STXBP5L: variants seen among roughly 807,000 people sequenced by gnomAD.
The protein encoded by STXBP5L is syntaxin-binding protein 5-like.
A neutral mutation model predicts 144.5 loss-of-function variants in STXBP5L; 65 were observed. That is an observed-to-expected ratio of 0.45 (90% CI 0.37 to 0.55). STXBP5L has a LOEUF of 0.55. Among genes scored for constraint, STXBP5L ranks in the 20% least tolerant of loss-of-function variants. The pLI is 0.00. For missense variants in STXBP5L, 1,298 were observed against 1,405.5 expected (o/e 0.92, Z 1.22); for synonymous variants, 505 against 469.6 (o/e 1.08, Z -0.97).
intron 9 of STXBP5L, among the ~76,000 whole-genome samples, chr3:121,199,394 G>C (rs557175078): frequency 9.2e-5 from 14 of 152,148 alleles, no homozygotes; most frequent in Admixed American, 6.5e-5. Context: ...GAGATGATGG[G>C]GTTTTCTAAA....
At chr3:121,416,544 G>C (rs918097695) in intron 25 of STXBP5L, among the ~76,000 whole-genome samples, 2 of 150,612 alleles carry the variant, frequency 1.3e-5, no homozygotes, top group Admixed American at 6.6e-5. Context: ...GTCTTGCTCT[G>C]TTGCCCAGGC....
intron 3 of STXBP5L, among the ~76,000 whole-genome samples, chr3:120,998,236 A>T (rs1943506152): frequency 6.6e-6 from 1 of 152,290 alleles, no homozygotes; most frequent in East Asian, 1.9e-4. Context: ...TAGCCAGAGC[A>T]ATCAGGGAAG....
intron 5 of STXBP5L, among the ~76,000 whole-genome samples, chr3:121,103,293 TGCCCCTTG>T (rs2043523799): frequency 6.6e-6 from 1 of 152,186 alleles, no homozygotes; most frequent in East Asian, 1.9e-4. Flanking sequence ...TCAACCCAGG[TGCCCCTTG>T]ACAGTGGATT....
At chr3:121,063,929 G>A (rs2041412419) in intron 5 of STXBP5L, among the ~76,000 whole-genome samples, 1 of 152,102 alleles carries the variant, frequency 6.6e-6, no homozygotes, top group Admixed American at 6.5e-5. Flanking sequence ...TGCTGTGCTC[G>A]GTGGGGTTGG....
At chr3:121,413,105 A>G in intron 23 of STXBP5L, 53 bp from the exon 24 acceptor site, 1 of 1,308,006 alleles carries the variant, frequency 7.6e-7, no homozygotes, top group Non-Finnish European at 1.0e-6. Flanking sequence ...TTATGTAAAT[A>G]TCTGCTTCTA....
chr3:120,979,381 G>A (rs750744893), intron 3 of STXBP5L, among the ~76,000 whole-genome samples: 13 of 152,168 alleles, frequency 8.5e-5, no homozygotes, highest in African/African-American at 2.7e-4. Flanking sequence ...CTGGTGCACC[G>A]TTTTTTAAGC....
intron 3 of STXBP5L, among the ~76,000 whole-genome samples, chr3:121,010,255 A>C (rs972883550): frequency 4.6e-5 from 7 of 151,816 alleles, no homozygotes; most frequent in Admixed American, 1.3e-4. Context: ...TTGGGGAAGG[A>C]GTGAGGGAAT....
At chr3:120,925,558 G>A (rs533039072) in intron 2 of STXBP5L, among the ~76,000 whole-genome samples, 31 of 152,104 alleles carry the variant, frequency 2.0e-4, no homozygotes, top group Admixed American at 9.2e-4. Context: ...TTATTGTAAG[G>A]AGTATATAGT....
At chr3:121,207,392 T>C (rs889027129) in intron 10 of STXBP5L, among the ~76,000 whole-genome samples, 1 of 152,156 alleles carries the variant, frequency 6.6e-6, no homozygotes. Flanking sequence ...GAAGAAAACC[T>C]AGGCGATACC....
intron 9 of STXBP5L, among the ~76,000 whole-genome samples, chr3:121,184,708 C>G (rs1275701193): frequency 6.6e-6 from 1 of 152,022 alleles, no homozygotes; most frequent in Non-Finnish European, 1.5e-5. Context: ...TCAAGAAATA[C>G]AGAGAACACC....
At chr3:121,027,026 T>C (rs764217779) in intron 3 of STXBP5L, among the ~76,000 whole-genome samples, 3 of 151,830 alleles carry the variant, frequency 2.0e-5, no homozygotes, top group Non-Finnish European at 2.9e-5. Flanking sequence ...TATGCCAAAG[T>C]GGCATATATT....
intron 11 of STXBP5L, among the ~76,000 whole-genome samples, chr3:121,224,529 G>T (rs1251761635): frequency 6.6e-6 from 1 of 152,096 alleles, no homozygotes; most frequent in Non-Finnish European, 1.5e-5. Context: ...ATAAAATCTG[G>T]TCAGATGAGT....
intron 19 of STXBP5L, among the ~76,000 whole-genome samples, chr3:121,302,445 T>C (rs2051955747): frequency 6.6e-6 from 1 of 152,192 alleles, no homozygotes; most frequent in African/African-American, 2.4e-5. Flanking sequence ...TTCTTCTTTA[T>C]TAGTCTTGCT....
intron 2 of STXBP5L, among the ~76,000 whole-genome samples, chr3:120,952,090 G>A (rs958233244): frequency 6.6e-6 from 1 of 150,442 alleles, no homozygotes; most frequent in South Asian, 2.1e-4. Context: ...TCACTCATAG[G>A]TGGGAATTGA....
intron 10 of STXBP5L, among the ~76,000 whole-genome samples, chr3:121,211,405 T>G (rs2048559895): frequency 6.6e-6 from 1 of 152,128 alleles, no homozygotes; most frequent in Non-Finnish European, 1.5e-5. Flanking sequence ...TTTTCCCAAT[T>G]GAAAACCCTT....
intron 9 of STXBP5L, among the ~76,000 whole-genome samples, chr3:121,183,383 C>A (rs1479978359): frequency 2.2e-4 from 34 of 152,186 alleles, no homozygotes; most frequent in Non-Finnish European, 1.5e-5. Flanking sequence ...TGATTGTATA[C>A]CTAGAAAACC....
chr3:121,348,421 T>A (rs7637526), intron 20 of STXBP5L, among the ~76,000 whole-genome samples: 3 of 151,776 alleles, frequency 2.0e-5, no homozygotes, highest in Non-Finnish European at 4.4e-5. Flanking sequence ...AAATTCTCTT[T>A]TTTTGTTGTG....
chr3:121,200,090 T>A (rs1466356149), intron 9 of STXBP5L, among the ~76,000 whole-genome samples: 1 of 152,224 alleles, frequency 6.6e-6, no homozygotes. Context: ...CTGGTAGAAT[T>A]TGGCTGTGAA....
At chr3:121,093,486 C>G (rs1198165585) in intron 5 of STXBP5L, among the ~76,000 whole-genome samples, 1 of 152,164 alleles carries the variant, frequency 6.6e-6, no homozygotes, top group East Asian at 1.9e-4. Context: ...CAACTTCTTC[C>G]TGGTTTAGTC....
Sources: allele counts gnomAD v4.1 joint callset (sites outside exome capture counted in the v4.1 genomes callset), GRCh38; gene constraint gnomAD v4.1.1; transcripts MANE v1.5; gene names NCBI Gene and HGNC (gene_info 2026-07-23, HGNC 2026-07-21).